Variants in PLCL1 observed in about 807,000 individuals in gnomAD.
PLCL1 encodes inactive phospholipase C-like protein 1.
In PLCL1, 41 loss-of-function variants were observed where a neutral mutation model predicts 84.4. The ratio of observed to expected loss-of-function variants is 0.49; its 90% CI spans 0.38 to 0.63. The LOEUF (loss-of-function observed/expected upper bound fraction) is 0.63. PLCL1 is among the 30% of genes least tolerant of loss of function. PLCL1 has a pLI of 0.00. For synonymous variants in PLCL1, 490 were observed against 488.3 expected (o/e 1.00, Z -0.05); for missense variants, 1,206 against 1,367.8 (o/e 0.88, Z 1.87).
intron 5 of PLCL1, among the ~76,000 whole-genome samples, chr2:198,143,666 A>G (rs1454256933): frequency 2.0e-5 from 3 of 152,040 alleles, no homozygotes; most frequent in African/African-American, 4.8e-5. Context: ...AATCAAATTC[A>G]CCTTCTACAA....
At chr2:197,922,619 G>A (rs1231081413) in intron 1 of PLCL1, among the ~76,000 whole-genome samples, 5 of 141,354 alleles carry the variant, frequency 3.5e-5, no homozygotes, top group Admixed American at 7.0e-5. Context: ...CCTCCCGGAC[G>A]GGGCGGCTGG....
chr2:197,879,769 C>A (rs1687797174), intron 1 of PLCL1, among the ~76,000 whole-genome samples: 1 of 152,116 alleles, frequency 6.6e-6, no homozygotes, highest in Non-Finnish European at 1.5e-5. Context: ...CTTGCCAAAA[C>A]TCATATTCAA....
In PLCL1 at chr2:198,083,805, C is replaced by G; in HGVS notation, c.288C>G (p.Phe96Leu). 4 of 1,605,482 alleles carry G rather than the reference C, an allele frequency of 2.5e-6. No individual in the cohort carries two copies. Among genetic ancestry groups the G allele is most frequent in the Non-Finnish European group, 3.4e-6 (4 of 1,174,776 alleles). ...KCGGRKKTVSFSSMPSEKKIS... is the reference protein window; with the variant it reads ...KCGGRKKTVSLSSMPSEKKIS... ...GTGGAAGAAAGAAAACCGTGTCTTT[C>G]AGCAGCATGCCATCGGAAAAGAAAA... Residue 96 changes from phenylalanine (F) to leucine (L), a missense_variant, in exon 2 of 6, where the codon TTC becomes TTG. Coordinates refer to ENST00000428675, the MANE Select transcript of PLCL1 (RefSeq NM_006226.4).
chr2:197,976,246 C>T (rs997163556), intron 1 of PLCL1, among the ~76,000 whole-genome samples: 12 of 152,252 alleles, frequency 7.9e-5, no homozygotes, highest in African/African-American at 2.9e-4. Flanking sequence ...CCACTCTATC[C>T]TGTGTACCAC....
intron 5 of PLCL1, among the ~76,000 whole-genome samples, chr2:198,137,718 G>GTCTAA: frequency 6.6e-6 from 1 of 152,150 alleles, no homozygotes; most frequent in East Asian, 1.9e-4. Flanking sequence ...GGGGAGGCTT[G>GTCTAA]TCTAATCTCC....
intron 1 of PLCL1, among the ~76,000 whole-genome samples, chr2:197,953,329 C>G (rs1475943880): frequency 6.6e-6 from 1 of 152,038 alleles, no homozygotes; most frequent in African/African-American, 2.4e-5. Flanking sequence ...GAGTTACCTT[C>G]TTACCTGCCT....
At chr2:197,929,013 C>T (rs945800668) in intron 1 of PLCL1, among the ~76,000 whole-genome samples, 1 of 152,010 alleles carries the variant, frequency 6.6e-6, no homozygotes, top group Non-Finnish European at 1.5e-5. Context: ...ATAATGAAAA[C>T]ATTTTAGCAT....
At chr2:197,983,649 C>T (rs1289549459) in intron 1 of PLCL1, among the ~76,000 whole-genome samples, 5 of 152,042 alleles carry the variant, frequency 3.3e-5, no homozygotes, top group African/African-American at 9.7e-5. Context: ...TGCTAGGCAC[C>T]GAAGATAGAA....
chr2:198,032,887 C>T (rs550057376), intron 1 of PLCL1, among the ~76,000 whole-genome samples: 1 of 152,200 alleles, frequency 6.6e-6, no homozygotes, highest in Admixed American at 6.6e-5. Context: ...CCAATTAATG[C>T]ATCAGGAAAT....
chr2:198,121,554 G>A (rs538079381), intron 5 of PLCL1, among the ~76,000 whole-genome samples: 4 of 151,996 alleles, frequency 2.6e-5, no homozygotes, highest in Non-Finnish European at 5.9e-5. Flanking sequence ...CACCATTATT[G>A]AAGAGACTGT....
At position 197,931,699 on chromosome 2, in the gene PLCL1, C is replaced by CCAA. The variant is rs1553503485; in HGVS notation, c.240+126361_240+126362insAAC. ...AACCACCCACCCACCCACCCACCCA[C>CCAA]CCAACCATCCAATCACCCAACCAAC... On this transcript the variant is annotated intron_variant, in intron 1 of 5. Transcript: ENST00000428675. 1.2e-3 allele frequency among the ~76,000 whole-genome samples: 146 copies of CCAA among 126,284 alleles called. 1 individual carries two copies. The highest frequency in any genetic ancestry group is 2.2e-3 in the South Asian group (7 of 3,134). 82.8% of individuals were successfully genotyped at this position (126,284 alleles called of 152,430 possible).
intron 1 of PLCL1, among the ~76,000 whole-genome samples, chr2:197,984,541 T>A (rs1690182653): frequency 6.6e-6 from 1 of 152,256 alleles, no homozygotes; most frequent in Admixed American, 6.5e-5. Context: ...GTTCACAGTT[T>A]ATTCTGTTAA....
chr2:197,899,931 G>A (rs1021794606), intron 1 of PLCL1, among the ~76,000 whole-genome samples: 2 of 152,048 alleles, frequency 1.3e-5, no homozygotes, highest in Non-Finnish European at 2.9e-5. Context: ...CACCGCGCCC[G>A]GCCCACATGA....
chr2:197,980,788 C>T (rs1050690090), intron 1 of PLCL1, among the ~76,000 whole-genome samples: 1 of 152,022 alleles, frequency 6.6e-6, no homozygotes, highest in Non-Finnish European at 1.5e-5. Context: ...CAGGGCCTGT[C>T]CTGAGCATTT....
intron 1 of PLCL1, among the ~76,000 whole-genome samples, chr2:197,897,761 G>T (rs1056553940): frequency 6.6e-6 from 1 of 152,130 alleles, no homozygotes; most frequent in Admixed American, 6.5e-5. Flanking sequence ...TTATTCTGAG[G>T]TCTGGTAGCT....
rs113445485 is a variant in PLCL1, at chr2:197,830,536, C to T, written c.240+25197C>T. Among the ~76,000 whole-genome samples, 8 of 152,112 alleles carry T rather than the reference C, an allele frequency of 5.3e-5. 1 individual carries two copies. The highest frequency in any genetic ancestry group is 1.9e-4 in the African/African-American group (8 of 41,512). On this transcript the variant is annotated intron_variant, in intron 1 of 5. Transcript: ENST00000428675. ...ATGGGACTATGTGAAAAGGCCAAAC[C>T]TATATTTGATTGGTGTACCTGAAAG...
chr2:198,081,673 C>A (rs1692717646), intron 1 of PLCL1, among the ~76,000 whole-genome samples: 1 of 152,180 alleles, frequency 6.6e-6, no homozygotes, highest in South Asian at 2.1e-4. Context: ...ATATCATTGT[C>A]ACTTGAAGAT....
chr2:197,856,560 G>A (rs74977950), intron 1 of PLCL1, among the ~76,000 whole-genome samples: 1 of 152,064 alleles, frequency 6.6e-6, no homozygotes, highest in African/African-American at 2.4e-5. Context: ...ATGCAGTTAC[G>A]AATTATATAA....
intron 5 of PLCL1, among the ~76,000 whole-genome samples, chr2:198,143,994 T>G (rs1015043053): frequency 1.3e-5 from 2 of 152,274 alleles, no homozygotes; most frequent in African/African-American, 4.8e-5. Context: ...TGGTACAAAC[T>G]GTTTCCTCCC....
Sources: allele counts gnomAD v4.1 joint callset (sites outside exome capture counted in the v4.1 genomes callset), GRCh38; gene constraint gnomAD v4.1.1; transcripts MANE v1.5; gene names NCBI Gene and HGNC (gene_info 2026-07-23, HGNC 2026-07-21).